Variants in BRSK2 observed in about 807,000 individuals in gnomAD.
BRSK2 encodes serine/threonine-protein kinase BRSK2.
A neutral mutation model predicts 83.3 loss-of-function variants in BRSK2; 19 were observed. The ratio of observed to expected loss-of-function variants is 0.23; its 90% CI spans 0.16 to 0.33. The LOEUF is 0.33. BRSK2 is among the 10% of genes least tolerant of loss of function. The pLI is 1.00. For missense variants in BRSK2, 798 were observed against 1,042.3 expected (o/e 0.77, Z 3.23); for synonymous variants, 519 against 435.4 (o/e 1.19, Z -2.39).
chr11:1,442,404 G>C, intron 4 of BRSK2, 86 bp from the exon 5 acceptor site: 1 of 1,000,000 alleles, frequency 1.0e-6, no homozygotes. Flanking sequence ...TGGAGAGGCA[G>C]TGGGCTCTGG....
chr11:1,446,050 GGGCTGGGCTGGGCTGGGCTT>G (rs1482878582), intron 12 of BRSK2, 143 bp downstream of exon 12: 173 of 382,594 alleles, frequency 4.5e-4, no homozygotes, highest in Non-Finnish European at 2.6e-4. Context: ...GGGCTTAGCT[GGGCTGGGCTGGGCTGGGCTT>G]GGCTGGGCTG....
chr11:1,410,567 A>G (rs1453950161), intron 1 of BRSK2: 9 of 985,314 alleles, frequency 9.1e-6, no homozygotes, highest in Non-Finnish European at 1.1e-5. Context: ...TGATGTCGTC[A>G]GGCTCTCTGG....
At chr11:1,395,594 C>G (rs1449412728) in intron 1 of BRSK2, among the ~76,000 whole-genome samples, 1 of 152,202 alleles carries the variant, frequency 6.6e-6, no homozygotes, top group South Asian at 2.1e-4. Flanking sequence ...AGGCCCTTGT[C>G]CTGTCCCCAC....
Position 1,456,697 on chromosome 11 carries a change from G to T in BRSK2, c.1939+10G>T. 6 of 1,582,134 alleles carry T rather than the reference G, an allele frequency of 3.8e-6. No individual in the cohort carries two copies. The highest frequency in any genetic ancestry group is 5.1e-6 in the Non-Finnish European group (6 of 1,165,672). ...GCCCAGCACTTGTCAGGTGAGGCGG[G>T]CTCAGCTCCGGCCAACCTGCGGCCT... On this transcript the variant is annotated intron_variant, in intron 18 of 19. Transcript: ENST00000528841.
intron 2 of BRSK2, among the ~76,000 whole-genome samples, chr11:1,437,109 G>T (rs145000883): frequency 6.6e-6 from 1 of 152,032 alleles, no homozygotes; most frequent in Non-Finnish European, 1.5e-5. Flanking sequence ...CCAGGACAGC[G>T]CCTGGCAGAG....
chr11:1,390,308 C>T lies in BRSK2; in HGVS notation c.24C>T (p.Gly8=), dbSNP rs761521236. 52 of 1,041,474 alleles carry T rather than the reference C, an allele frequency of 5.0e-5. No homozygotes were observed. Among genetic ancestry groups the T allele is most frequent in the Middle Eastern group, 6.4e-4 (2 of 3,130 alleles). 64.5% of individuals were successfully genotyped at this position (1,041,474 alleles called of 1,614,324 possible). A position where few individuals can be genotyped will look rare whatever the true frequency, so the allele number is the denominator to read the frequency against. The change falls in exon 1 of 20, where the codon GGC becomes GGT. Residue 8 remains glycine, a synonymous_variant. Transcript: ENST00000528841. The surrounding 1 kb of genome is among the most constrained non-coding windows in gnomAD (Gnocchi z 6.8). ...CGATGACATCGACGGGGAAGGACGG[C>T]GGCGCGCAGCACGCGCAGTATGTTG... The part of the protein sequence containing the change: MTSTGKD[G]GAQHAQYVGP...
chr11:1,454,233 G>A lies in BRSK2; in HGVS notation c.1545-252G>A. On this transcript the variant is annotated intron_variant, in intron 15 of 19. Transcript: ENST00000528841. This position sits in a 1 kb window ranked among gnomAD's most constrained non-coding sequence, Gnocchi z 5.2. ...TGGGAGTGGGTGGCATATGGGCCAG[G>A]GTCAGGGCGTTAGGGCTTGGAGAAA... 4 of 387,734 alleles carry A rather than the reference G, an allele frequency of 1.0e-5. No individual in the cohort carries two copies. In the South Asian group the frequency reaches 1.1e-4, roughly 11 times the overall value. 24.0% of individuals were successfully genotyped at this position (387,734 alleles called of 1,614,324 possible).
At chr11:1,458,462 C>T (rs1055446141) in intron 18 of BRSK2, among the ~76,000 whole-genome samples, 2 of 152,154 alleles carry the variant, frequency 1.3e-5, no homozygotes, top group Admixed American at 6.5e-5. Flanking sequence ...CAGCCCTGCC[C>T]CCCTCCCACA....
rs367607149 is a variant in BRSK2, at chr11:1,412,808, A to G, written c.91+22433A>G. Reference sequence around the variant, plus strand: ...CAGATCAACCCAGGCCCGTTGGATCACTAGCCCTGGCCGCACACAGCAACC... The same window carrying G: ...CAGATCAACCCAGGCCCGTTGGATCGCTAGCCCTGGCCGCACACAGCAACC... On this transcript the variant is annotated intron_variant, in intron 1 of 19. Coordinates refer to ENST00000528841, the MANE Select transcript of BRSK2 (RefSeq NM_001256627.2). 4.5e-4 allele frequency among the ~76,000 whole-genome samples: 68 copies of G among 149,526 alleles called. No homozygotes were observed. The East Asian group carries it at 0.011, about 24-fold the overall frequency.
intron 12 of BRSK2, among the ~76,000 whole-genome samples, chr11:1,447,437 A>G (rs1351980121): frequency 6.6e-6 from 1 of 152,188 alleles, no homozygotes; most frequent in African/African-American, 2.4e-5. Flanking sequence ...GGGCCAGGCC[A>G]TGGACCATTC....
intron 12 of BRSK2, chr11:1,447,978 C>A: frequency 2.8e-6 from 3 of 1,074,726 alleles, no homozygotes; most frequent in Non-Finnish European, 4.1e-6. Context: ...AGGGCTCCTG[C>A]TGCGGTGAAG....
rs1564881167 is a variant in BRSK2 at position 1,454,962 on chromosome 11, CTCG to C, written c.1668+355_1668+357del. Among the ~76,000 whole-genome samples the C allele has an allele frequency of 2.0e-5, 3 of 152,132 alleles. No homozygotes were observed. Among genetic ancestry groups the C allele is most frequent in the Non-Finnish European group, 4.4e-5 (3 of 68,014 alleles). On this transcript the variant is annotated intron_variant, in intron 16 of 19. Coordinates refer to ENST00000528841, the MANE Select transcript of BRSK2 (RefSeq NM_001256627.2). This position sits in a 1 kb window ranked among gnomAD's most constrained non-coding sequence, Gnocchi z 5.2. ...CTCAGAGGGGGACATTTCCATCAGA[CTCG>C]GGGAGAAGCCCTTGTGAGGCCATGG...
Position 1,461,335 on chromosome 11 carries a change from T to G in BRSK2, c.*612T>G. 4 of 358,528 alleles carry G rather than the reference T, an allele frequency of 1.1e-5. No individual in the cohort carries two copies. Among genetic ancestry groups the G allele is most frequent in the Non-Finnish European group, 2.0e-5 (4 of 196,916 alleles). The allele number at this position is 358,528 out of a possible 1,614,324, so 22.2% of individuals were successfully genotyped here. On this transcript the variant is annotated 3_prime_UTR_variant, in exon 20 of 20. Transcript: ENST00000528841. Reference sequence around the variant, plus strand: ...ACCTGGAGGCCTCCTCGCAGGCCCGTGCCCCGCCTCCCTGGCTGCGCCGCC... The same window carrying G: ...ACCTGGAGGCCTCCTCGCAGGCCCGGGCCCCGCCTCCCTGGCTGCGCCGCC...
Position 1,390,362 on chromosome 11 carries a change from CA to C in BRSK2, c.80del (p.Lys27ArgfsTer7). ...CCTACCGGCTGGAGAAGACGCTGGG[CA>C]AGGGGCAGACAGGTGCGTGCGGCCG... ...GPYRLEKTLGKGQTGLVKLGV... is the reference protein window; with the variant it reads ...GPYRLEKTLGXGQTGLVKLGV... On this transcript the variant is annotated frameshift_variant, in exon 1 of 20. Coordinates refer to ENST00000528841, the MANE Select transcript of BRSK2 (RefSeq NM_001256627.2). LOFTEE classifies it high-confidence loss of function. This position sits in a 1 kb window ranked among gnomAD's most constrained non-coding sequence, Gnocchi z 6.8. 9.7e-7 allele frequency: 1 copy of C among 1,032,582 alleles called. No homozygotes were observed. The highest frequency in any genetic ancestry group is 1.2e-6 in the Non-Finnish European group (1 of 851,972). 64.0% of individuals were successfully genotyped at this position (1,032,582 alleles called of 1,614,324 possible). A position where few individuals can be genotyped will look rare whatever the true frequency, so the allele number is the denominator to read the frequency against.
chr11:1,399,910 G>A (rs937527638), intron 1 of BRSK2, among the ~76,000 whole-genome samples: 4 of 152,176 alleles, frequency 2.6e-5, no homozygotes, highest in African/African-American at 9.7e-5. Context: ...TTTTCACATA[G>A]CAGAGGAGAG....
chr11:1,461,030 G>C lies in BRSK2; in HGVS notation c.*307G>C, dbSNP rs1256475752. 2.5e-6 allele frequency: 4 copies of C among 1,610,962 alleles called. No individual in the cohort carries two copies. The highest frequency in any genetic ancestry group is 3.3e-5 in the Admixed American group (2 of 59,916). On this transcript the variant is annotated 3_prime_UTR_variant, in exon 20 of 20. Transcript: ENST00000528841. Reference sequence around the variant, plus strand: ...AGGCCATCCTCTGTGACCGAAGGCAGCTGCTGCGGACCCGCCCTCCCTCCG... The same window carrying C: ...AGGCCATCCTCTGTGACCGAAGGCACCTGCTGCGGACCCGCCCTCCCTCCG...
chr11:1,453,479 G>A (rs117017703), intron 15 of BRSK2, among the ~76,000 whole-genome samples: 95 of 152,284 alleles, frequency 6.2e-4, no homozygotes, highest in Non-Finnish European at 1.0e-3. Context: ...CTGGCATGGG[G>A]CTGGGGTAAG....
At chr11:1,451,545 G>T in intron 15 of BRSK2, 126 bp downstream of exon 15, 1 of 999,058 alleles carries the variant, frequency 1.0e-6, no homozygotes. Flanking sequence ...CCCACTGCAG[G>T]CAGGCCCGTC....
rs1215948881 is a variant in BRSK2 at position 1,450,623 on chromosome 11, C to T, written c.1324C>T (p.Pro442Ser). 1.3e-6 allele frequency: 2 copies of T among 1,598,402 alleles called. No homozygotes were observed. Among genetic ancestry groups the T allele is most frequent in the African/African-American group, 1.3e-5 (1 of 74,128 alleles). Residue 442 changes from proline to serine, a missense_variant, in exon 14 of 20, where the codon CCC becomes TCC. Transcript: ENST00000528841. ...PHPSPRGSPL[P>S]TPKGTPVHTP... ...CCCCTCACCAAGGGGCAGTCCCCTC[C>T]CCACCCCCAAGGGGACACCTGTCCA... is the stretch of plus-strand genomic sequence containing the variant.
Sources: gnomAD v4.1 joint callset for allele counts (sites outside exome capture counted in the v4.1 genomes callset) on GRCh38, gnomAD v4.1.1 for gene constraint, Gnocchi (gnomAD v3.1) non-coding constraint, MANE v1.5 for transcripts, NCBI Gene and HGNC (gene_info 2026-07-23, HGNC 2026-07-21) for gene names.